The following MCMDC2 variants were observed in gnomAD, a reference collection of about 807,000 sequenced individuals.
The protein encoded by MCMDC2 is minichromosome maintenance domain containing 2, also known as minichromosome maintenance domain-containing protein 2.
A neutral mutation model predicts 75.8 loss-of-function variants in MCMDC2; 54 were observed. The ratio of observed to expected loss-of-function variants is 0.71; its 90% CI spans 0.57 to 0.89. The LOEUF (loss-of-function observed/expected upper bound fraction) is 0.89. Ranked by LOEUF, MCMDC2 falls within the 40% of genes least tolerant of loss-of-function variation. The pLI, the probability that MCMDC2 is intolerant of heterozygous loss-of-function variation, is 0.00. For missense variants in MCMDC2, 656 were observed against 780.4 expected, an observed-to-expected ratio of 0.84 and a Z score of 1.90; for synonymous variants, 249 against 274.6, an observed-to-expected ratio of 0.91 and a Z score of 0.92.
At chr8:66,876,193 CTG>C (rs1367351217) in intron 4 of MCMDC2, among the ~76,000 whole-genome samples, 1 of 152,102 alleles carries the variant, frequency 6.6e-6, no homozygotes, top group Admixed American at 6.6e-5. Context: ...AGATGCAAAA[CTG>C]TAATTTTTCT....
At position 66,902,555 on chromosome 8, in the gene MCMDC2, G is replaced by A. The variant is rs775265648; in HGVS notation, c.1769+1207G>A. 3.9e-4 allele frequency among the ~76,000 whole-genome samples: 58 copies of A among 150,480 alleles called. No individual in the cohort carries two copies. In the Middle Eastern group the frequency reaches 0.021, roughly 55 times the overall value. On this transcript the variant is annotated intron_variant, in intron 13 of 14. Transcript: ENST00000422365. ...AAAATACAAAAAAAATTAGCTTGGC[G>A]TTGTGGCACATGCCTGTAGTCCCAG...
At chr8:66,877,863 T>TA (rs746087269) in intron 5 of MCMDC2, among the ~76,000 whole-genome samples, 3,253 of 87,338 alleles carry the variant, frequency 0.037, 148 homozygotes, top group African/African-American at 0.12. Context: ...TGACCCTGTC[T>TA]AAAAAAAAAA....
At chr8:66,912,042 G>C (rs1305453410) in intron 14 of MCMDC2, among the ~76,000 whole-genome samples, 1 of 152,160 alleles carries the variant, frequency 6.6e-6, no homozygotes, top group East Asian at 1.9e-4. Context: ...TGATTCCTCT[G>C]ATGGAGCTGG....
chr8:66,884,533 A>G (rs1309306770), intron 9 of MCMDC2: 1 of 152,002 alleles, frequency 6.6e-6, no homozygotes, highest in Non-Finnish European at 1.5e-5. Context: ...TAAGCTCCCT[A>G]TTTAGTATCT....
intron 14 of MCMDC2, among the ~76,000 whole-genome samples, chr8:66,916,881 T>C (rs1470792837): frequency 6.6e-6 from 1 of 152,070 alleles, no homozygotes; most frequent in Admixed American, 6.6e-5. Context: ...AAGGGAAAGG[T>C]GGGACATCGC....
At chr8:66,922,546 T>C (rs1363164468), downstream of MCMDC2, 1 of 518,914 alleles carries the variant, frequency 1.9e-6, no homozygotes, top group Non-Finnish European at 3.8e-6. Flanking sequence ...TAAGTCATCA[T>C]TGTGCCAGCT....
chr8:66,907,547 T>C (rs1407742820), intron 14 of MCMDC2, among the ~76,000 whole-genome samples: 1 of 152,234 alleles, frequency 6.6e-6, no homozygotes, highest in Non-Finnish European at 1.5e-5. Flanking sequence ...TGTGCATGTG[T>C]CTTTATAGTA....
chr8:66,925,350 G>A (rs551143879), downstream of MCMDC2: 2 of 152,776 alleles, frequency 1.3e-5, no homozygotes, highest in East Asian at 1.9e-4. Flanking sequence ...TGCGCCCGGG[G>A]AAGGGACAGG....
intron 4 of MCMDC2, among the ~76,000 whole-genome samples, chr8:66,876,744 AT>A (rs981833142): frequency 6.6e-6 from 1 of 151,410 alleles, no homozygotes; most frequent in African/African-American, 2.4e-5. Context: ...TATTTATTTT[AT>A]TTTATTTTGA....
At chr8:66,910,943 A>G (rs1813091943) in intron 14 of MCMDC2, among the ~76,000 whole-genome samples, 1 of 152,252 alleles carries the variant, frequency 6.6e-6, no homozygotes, top group Admixed American at 6.5e-5. Flanking sequence ...GTATTTAGGA[A>G]GTAACTAACT....
At chr8:66,924,393 T>C (rs956690348), downstream of MCMDC2, among the ~76,000 whole-genome samples, 1 of 152,084 alleles carries the variant, frequency 6.6e-6, no homozygotes, top group East Asian at 1.9e-4. Flanking sequence ...TTGAGAGGCC[T>C]AGGCGGGTGG....
chr8:66,901,645 C>T (rs1397285072), intron 13 of MCMDC2: 1 of 1,066,710 alleles, frequency 9.4e-7, no homozygotes, highest in Non-Finnish European at 1.1e-6. Context: ...AAAAATGTGG[C>T]TGTTGGGCGG....
downstream of MCMDC2, chr8:66,922,194 C>T (rs1444628770): frequency 5.7e-6 from 1 of 174,896 alleles, no homozygotes; most frequent in Non-Finnish European, 1.2e-5. Flanking sequence ...TCACAAGTGC[C>T]CCTCAAAAAA....
chr8:66,917,717 T>C (rs569396132), intron 14 of MCMDC2, among the ~76,000 whole-genome samples: 32 of 152,360 alleles, frequency 2.1e-4, no homozygotes, highest in African/African-American at 6.0e-4. Flanking sequence ...GGTTCATCCA[T>C]ATTATGCATG....
rs183278190 is a variant in MCMDC2, at chr8:66,907,134, A to C, written c.1879+1799A>C. Among the ~76,000 whole-genome samples, 5 of 152,036 alleles carry C rather than the reference A, an allele frequency of 3.3e-5. No individual in the cohort carries two copies. The East Asian group carries it at 9.7e-4, about 29-fold the overall frequency. ...ACATGCAGGTTTGTTACATAAGTAT[A>C]CATGTGCCATGGCGGTTTGCTGCAC... On this transcript the variant is annotated intron_variant, in intron 14 of 14. Coordinates refer to ENST00000422365, the MANE Select transcript of MCMDC2 (RefSeq NM_173518.5).
intron 1 of MCMDC2, among the ~76,000 whole-genome samples, chr8:66,872,499 A>G (rs1811070083): frequency 6.6e-6 from 1 of 152,174 alleles, no homozygotes; most frequent in African/African-American, 2.4e-5. Context: ...TACCTGGTAT[A>G]TTCATATTTC....
chr8:66,886,743 C>T (rs1811859995), intron 9 of MCMDC2, among the ~76,000 whole-genome samples: 1 of 151,570 alleles, frequency 6.6e-6, no homozygotes, highest in Admixed American at 6.6e-5. Flanking sequence ...CCACTGCACT[C>T]CAGCCTGGGC....
intron 1 of MCMDC2, 138 bp downstream of exon 1, chr8:66,870,969 G>C (rs1810985638): frequency 6.6e-6 from 1 of 152,348 alleles, no homozygotes; most frequent in Admixed American, 6.5e-5. Flanking sequence ...CCCCTCACCA[G>C]TTCATCCCCG....
At chr8:66,881,564 T>C (rs964524020) in intron 8 of MCMDC2, among the ~76,000 whole-genome samples, 1 of 152,160 alleles carries the variant, frequency 6.6e-6, no homozygotes, top group Non-Finnish European at 1.5e-5. Flanking sequence ...CAGGTGCCTG[T>C]AATCCCAGCT....
Sources: gnomAD v4.1 joint callset for allele counts (sites outside exome capture counted in the v4.1 genomes callset) on GRCh38, gnomAD v4.1.1 for gene constraint, MANE v1.5 for transcripts, NCBI Gene and HGNC (gene_info 2026-07-23, HGNC 2026-07-21) for gene names.